BAIAP2: variants seen among roughly 807,000 people sequenced by gnomAD.
The protein encoded by BAIAP2 is BAR/IMD domain containing adaptor protein 2, also known as BAR/IMD domain-containing adapter protein 2.
BAIAP2 carries 18 observed loss-of-function variants against 63.0 expected under a neutral mutation model. The ratio of observed to expected loss-of-function variants is 0.29; its 90% CI spans 0.20 to 0.42. BAIAP2 has a LOEUF of 0.42. Among genes scored for constraint, BAIAP2 ranks in the 10% least tolerant of loss-of-function variants. The pLI is 1.00. For synonymous variants in BAIAP2, 386 were observed against 307.6 expected, an observed-to-expected ratio of 1.25 and a Z score of -2.67; for missense variants, 610 against 734.3, an observed-to-expected ratio of 0.83 and a Z score of 1.96.
At chr17:81,111,929 G>C (rs1170971030) in intron 13 of BAIAP2, among the ~76,000 whole-genome samples, 1 of 152,266 alleles carries the variant, frequency 6.6e-6, no homozygotes, top group Non-Finnish European at 1.5e-5. Flanking sequence ...GGTCACAGCA[G>C]GCATCCTGGC....
intron 4 of BAIAP2, 44 bp downstream of exon 4, chr17:81,084,937 G>A (rs372465591): frequency 6.3e-6 from 10 of 1,594,638 alleles, no homozygotes; most frequent in South Asian, 4.4e-5. Context: ...GGGCAGGTGC[G>A]ACGGGAGAGC....
Position 81,115,878 on chromosome 17 carries a change from C to G in BAIAP2, c.*39C>G. On this transcript the variant is annotated 3_prime_UTR_variant, in exon 14 of 14. Coordinates refer to ENST00000428708, the MANE Select transcript of BAIAP2 (RefSeq NM_001144888.2). ...AGTGCTGCCCATCTGGTGGCTTCCCCCGCCCTTCCCATGTAGCCTGTTCTG... is the reference window on the plus strand; with the variant it reads ...AGTGCTGCCCATCTGGTGGCTTCCCGCGCCCTTCCCATGTAGCCTGTTCTG... 1 of 1,610,892 alleles carries G rather than the reference C, an allele frequency of 6.2e-7. No homozygotes were observed. The highest frequency in any genetic ancestry group is 8.5e-7 in the Non-Finnish European group (1 of 1,179,030).
At chr17:81,074,268 GTGCC>G (rs1568119367) in intron 3 of BAIAP2, among the ~76,000 whole-genome samples, 1 of 73,898 alleles carries the variant, frequency 1.4e-5, no homozygotes, top group Non-Finnish European at 3.6e-5. Context: ...GCTGAAAAAA[GTGCC>G]TGTGTGTCTG....
chr17:81,110,830 G>A, intron 13 of BAIAP2: 1 of 1,550,486 alleles, frequency 6.4e-7, no homozygotes, highest in South Asian at 1.1e-5. Flanking sequence ...TCTCCTGGCA[G>A]CTCGCCCGTG....
At chr17:81,067,461 C>T (rs974319489) in intron 3 of BAIAP2, among the ~76,000 whole-genome samples, 8 of 152,222 alleles carry the variant, frequency 5.3e-5, no homozygotes, top group Admixed American at 5.2e-4. Flanking sequence ...CAGCCCTGCC[C>T]GCCTGCCAAC....
At chr17:81,063,036 A>G (rs1470228237) in intron 3 of BAIAP2, among the ~76,000 whole-genome samples, 1 of 150,480 alleles carries the variant, frequency 6.6e-6, no homozygotes, top group Non-Finnish European at 1.5e-5. Context: ...GCATCACTCC[A>G]TGATTGAGAG....
At chr17:81,043,925 C>T (rs779093906) in intron 1 of BAIAP2, among the ~76,000 whole-genome samples, 2 of 152,354 alleles carry the variant, frequency 1.3e-5, no homozygotes, top group Admixed American at 1.3e-4. Context: ...GAGACGATAG[C>T]GTATTTCCTG....
chr17:81,054,837 A>G (rs560300629), intron 2 of BAIAP2, among the ~76,000 whole-genome samples: 101 of 152,074 alleles, frequency 6.6e-4, no homozygotes, highest in African/African-American at 2.4e-3. Flanking sequence ...CCTGGTGGGG[A>G]GTGGCTTCCT....
At chr17:81,113,229 GGTCCTCCGCTCTTGGACAC>G (rs1458396473) in intron 13 of BAIAP2, among the ~76,000 whole-genome samples, 1 of 152,192 alleles carries the variant, frequency 6.6e-6, no homozygotes. Flanking sequence ...CCCTCCTCAG[GGTCCTCCGCTCTTGGACAC>G]GTCTGGTGAC....
chr17:81,093,635 A>G lies in BAIAP2; in HGVS notation c.490-6293A>G, dbSNP rs568137958. 2.6e-5 allele frequency among the ~76,000 whole-genome samples: 4 copies of G among 152,044 alleles called. No individual in the cohort carries two copies. The East Asian group carries it at 7.7e-4, about 29-fold the overall frequency. The stretch of plus-strand genomic sequence containing the variant: ...CGGCACTGGTGCTCTGCTCACTGTA[A>G]TGCAGGGGGCTGGTGGGGGGCATTG... On this transcript the variant is annotated intron_variant, in intron 6 of 13. Transcript: ENST00000428708.
intron 2 of BAIAP2, among the ~76,000 whole-genome samples, chr17:81,055,574 G>GTTTTTTGTTTTTTT (rs370775327): frequency 8.9e-5 from 11 of 123,406 alleles, no homozygotes; most frequent in African/African-American, 3.2e-4. Context: ...AGGGTGTTTT[G>GTTTTTTGTTTTTTT]TTTTTTTTTG....
intron 2 of BAIAP2, chr17:81,057,640 C>A (rs2049814964): frequency 7.8e-7 from 1 of 1,285,388 alleles, no homozygotes. Context: ...TAGCTCAGGA[C>A]CTGAACTGGT....
At position 81,086,590 on chromosome 17, in the gene BAIAP2, C is replaced by T; in HGVS notation, c.489+10C>T. The T allele has an allele frequency of 6.2e-7, 1 of 1,612,348 alleles. No individual in the cohort carries two copies. The highest frequency in any genetic ancestry group is 1.3e-5 in the African/African-American group (1 of 75,012). On this transcript the variant is annotated intron_variant, in intron 6 of 13. Transcript: ENST00000428708. Reference sequence around the variant, plus strand: ...GGACAAGGAGCTGCAGGTAGGCCCGCCACCCCCGCTGTGGTGCCTCTCCTG... The same window carrying T: ...GGACAAGGAGCTGCAGGTAGGCCCGTCACCCCCGCTGTGGTGCCTCTCCTG...
At position 81,116,158 on chromosome 17, in the gene BAIAP2, C is replaced by T. The variant is rs1312460259; in HGVS notation, c.*319C>T. On this transcript the variant is annotated 3_prime_UTR_variant, in exon 14 of 14. Transcript: ENST00000428708. ...GAGTTAAGGGAGGACATTTGGCCAG[C>T]TGGTGGCTGGGAGGGGAGCCTGGCT... 1.1e-5 allele frequency: 17 copies of T among 1,602,232 alleles called. No individual in the cohort carries two copies. Among genetic ancestry groups the T allele is most frequent in the Non-Finnish European group, 1.4e-5 (17 of 1,174,258 alleles).
intron 12 of BAIAP2, 94 bp downstream of exon 12, chr17:81,107,001 G>C: frequency 7.2e-7 from 1 of 1,390,336 alleles, no homozygotes; most frequent in Non-Finnish European, 9.5e-7. Context: ...GAGGGGCGGG[G>C]CGCCTGGGGG....
intron 1 of BAIAP2, among the ~76,000 whole-genome samples, chr17:81,050,746 G>T (rs2048541796): frequency 6.8e-6 from 1 of 147,534 alleles, no homozygotes; most frequent in African/African-American, 2.5e-5. Context: ...TGCACACGTG[G>T]ACACACATGC....
rs2047115255 is a variant in BAIAP2 at position 81,041,802 on chromosome 17, C to T, written c.54+6494C>T. 2.6e-5 allele frequency among the ~76,000 whole-genome samples: 4 copies of T among 152,270 alleles called. No individual in the cohort carries two copies. In the South Asian group the frequency reaches 8.3e-4, roughly 32 times the overall value. On this transcript the variant is annotated intron_variant, in intron 1 of 13. Transcript: ENST00000428708. ...CGTCAGGCTGGTCTCGAACTCCCAA[C>T]CTCAGGTGATCCACCCACCTCGGGC... is the stretch of plus-strand genomic sequence containing the variant.
intron 3 of BAIAP2, 22 bp from the exon 4 acceptor site, chr17:81,084,810 C>T (rs1489067916): frequency 6.2e-7 from 1 of 1,612,702 alleles, no homozygotes; most frequent in Non-Finnish European, 8.5e-7. Context: ...CCTCCCCTTC[C>T]TTCTGCTGTT....
Position 81,056,635 on chromosome 17 carries a change from T to G in BAIAP2, c.131-1246T>G, listed in dbSNP as rs916207826. ...AAGGCGTGGGTTCCGTTCGGGCCTT[T>G]CCGCTCCTGTTTGGTTCCTCATGAG... On this transcript the variant is annotated intron_variant, in intron 2 of 13. Transcript: ENST00000428708. Among the ~76,000 whole-genome samples, 15 of 152,346 alleles carry G rather than the reference T, an allele frequency of 9.8e-5. No individual in the cohort carries two copies. In the East Asian group the frequency reaches 2.7e-3, roughly 27 times the overall value.
Sources: gnomAD v4.1 joint callset for allele counts (sites outside exome capture counted in the v4.1 genomes callset) on GRCh38, gnomAD v4.1.1 for gene constraint, MANE v1.5 for transcripts, NCBI Gene and HGNC (gene_info 2026-07-23, HGNC 2026-07-21) for gene names.